SIPA1L1: variants seen among roughly 807,000 people sequenced by gnomAD.
SIPA1L1 encodes the protein signal-induced proliferation-associated 1-like protein 1.
A neutral mutation model predicts 162.7 loss-of-function variants in SIPA1L1; 26 were observed. The ratio of observed to expected loss-of-function variants is 0.16; its 90% confidence interval spans 0.12 to 0.22. SIPA1L1 has a LOEUF of 0.22. Among genes scored for constraint, SIPA1L1 ranks in the 10% least tolerant of loss-of-function variants. The pLI, the probability that SIPA1L1 is intolerant of heterozygous loss-of-function variation, is 1.00. For missense variants in SIPA1L1, 1,874 were observed against 2,241.0 expected (o/e 0.84, Z 3.31); for synonymous variants, 829 against 837.4 (o/e 0.99, Z 0.17).
At chr14:71,522,329 T>C (rs1031513395) in intron 3 of SIPA1L1, among the ~76,000 whole-genome samples, 1 of 152,220 alleles carries the variant, frequency 6.6e-6, no homozygotes, top group Admixed American at 6.5e-5. Context: ...TCTTGTTTGC[T>C]GGCCTTTCTG....
intron 15 of SIPA1L1, among the ~76,000 whole-genome samples, chr14:71,704,344 T>G (rs984438580): frequency 6.6e-6 from 1 of 152,302 alleles, no homozygotes; most frequent in Admixed American, 6.5e-5. Flanking sequence ...TCTAATGACT[T>G]GCACTGATTG....
chr14:71,515,921 C>T (rs1436454383), intron 3 of SIPA1L1, among the ~76,000 whole-genome samples: 1 of 152,142 alleles, frequency 6.6e-6, no homozygotes, highest in South Asian at 2.1e-4. Context: ...GGATTACAGG[C>T]GTGAGCCACC....
chr14:71,664,501 C>T (rs555816616), intron 10 of SIPA1L1, among the ~76,000 whole-genome samples: 176 of 152,214 alleles, frequency 1.2e-3, no homozygotes, highest in African/African-American at 4.0e-3. Flanking sequence ...GCATAATAAT[C>T]ACACCAGGGT....
chr14:71,415,224 A>G (rs759671277), intron 2 of SIPA1L1, among the ~76,000 whole-genome samples: 5 of 152,134 alleles, frequency 3.3e-5, no homozygotes, highest in South Asian at 2.1e-4. Flanking sequence ...GTGGCTTGCT[A>G]TTTGTGACCT....
chr14:71,652,989 G>A (rs1199176624), intron 8 of SIPA1L1, among the ~76,000 whole-genome samples: 1 of 151,696 alleles, frequency 6.6e-6, no homozygotes, highest in Admixed American at 6.6e-5. Flanking sequence ...TCACATGTCT[G>A]GTTGTTTTTG....
rs766237769 is a variant in SIPA1L1, at chr14:71,735,273, C to G, written c.5009-4C>G. 6.2e-7 allele frequency: 1 copy of G among 1,603,286 alleles called. No individual in the cohort carries two copies. The highest frequency in any genetic ancestry group is 8.5e-7 in the Non-Finnish European group (1 of 1,170,126). ...TACTAAATGGTTTCTTCTCTCCTTT[C>G]CAGTCCAGAGAGCCTCATTTTTTGC... On this transcript the variant is annotated splice_region_variant and splice_polypyrimidine_tract_variant and intron_variant, in intron 21 of 23. Transcript: ENST00000381232.
In SIPA1L1 at chr14:71,391,103, CTTTTTTTT is replaced by C. The variant is rs36003254; in HGVS notation, c.-465+69936_-465+69943del. The stretch of plus-strand genomic sequence containing the variant: ...TTAGTTTTGTGCCTGTATTCAGTAT[CTTTTTTTT>C]TTTTTTTTTTTTTGAGACAGACTCT... On this transcript the variant is annotated intron_variant, in intron 2 of 23. Coordinates refer to ENST00000381232, the MANE Select transcript of SIPA1L1 (RefSeq NM_001386936.1). Among the ~76,000 whole-genome samples, 739 of 108,456 alleles carry C rather than the reference CTTTTTTTT, an allele frequency of 6.8e-3. 6 individuals are homozygous for C. The highest frequency in any genetic ancestry group is 0.024 in the African/African-American group (697 of 29,442). 71.2% of individuals were successfully genotyped at this position (108,456 alleles called of 152,430 possible). A position where few individuals can be genotyped will look rare whatever the true frequency, so the allele number is the denominator to read the frequency against.
At chr14:71,712,663 A>G (rs1275115543) in intron 17 of SIPA1L1, among the ~76,000 whole-genome samples, 1 of 152,230 alleles carries the variant, frequency 6.6e-6, no homozygotes, top group African/African-American at 2.4e-5. Flanking sequence ...TTGTGTGGCA[A>G]TCAAGGACCT....
intron 4 of SIPA1L1, among the ~76,000 whole-genome samples, chr14:71,561,987 C>T (rs1364286710): frequency 2.0e-5 from 3 of 152,074 alleles, no homozygotes; most frequent in Non-Finnish European, 4.4e-5. Flanking sequence ...TATATTTTTT[C>T]ACGTTGTAAA....
rs540236206 is a variant in SIPA1L1 at position 71,377,898 on chromosome 14, G to A, written c.-465+56717G>A. Reference sequence around the variant, plus strand: ...GGCTGAGGCAGGAGAATCAGGCAGGGAGGTTGCAGTGAGCCGAGATCGCAG... The same window carrying A: ...GGCTGAGGCAGGAGAATCAGGCAGGAAGGTTGCAGTGAGCCGAGATCGCAG... On this transcript the variant is annotated intron_variant, in intron 2 of 23. Coordinates refer to ENST00000381232, the MANE Select transcript of SIPA1L1 (RefSeq NM_001386936.1). The surrounding 1 kb of genome is among the most constrained non-coding windows in gnomAD (Gnocchi z 4.8). Among the ~76,000 whole-genome samples the A allele has an allele frequency of 6.0e-4, 92 of 152,324 alleles. No individual in the cohort carries two copies. Among genetic ancestry groups the A allele is most frequent in the African/African-American group, 2.2e-3 (91 of 41,578 alleles).
chr14:71,708,802 TAA>T (rs1881166039), intron 16 of SIPA1L1, among the ~76,000 whole-genome samples: 1 of 152,230 alleles, frequency 6.6e-6, no homozygotes, highest in Admixed American at 6.5e-5. Flanking sequence ...TCTCTAGACA[TAA>T]GTCTTATATT....
chr14:71,734,588 T>C (rs949645528), intron 21 of SIPA1L1, among the ~76,000 whole-genome samples: 1 of 152,188 alleles, frequency 6.6e-6, no homozygotes, highest in African/African-American at 2.4e-5. Flanking sequence ...AGTTTTAATT[T>C]TGGGGAGAAA....
intron 17 of SIPA1L1, among the ~76,000 whole-genome samples, chr14:71,719,010 C>T (rs2150138511): frequency 6.6e-6 from 1 of 152,024 alleles, no homozygotes; most frequent in Admixed American, 6.5e-5. Flanking sequence ...GTGAACTTGG[C>T]TCACTGCAGC....
intron 22 of SIPA1L1, among the ~76,000 whole-genome samples, chr14:71,737,810 C>G (rs151160970): frequency 6.6e-6 from 1 of 152,096 alleles, no homozygotes; most frequent in East Asian, 1.9e-4. Context: ...ACCTGCCTAT[C>G]ACATCAGCTC....
At chr14:71,370,503 A>G (rs2038783388) in intron 2 of SIPA1L1, among the ~76,000 whole-genome samples, 1 of 152,084 alleles carries the variant, frequency 6.6e-6, no homozygotes, top group South Asian at 2.1e-4. Flanking sequence ...AGGTGTGTGC[A>G]TTGCTTAAGT....
chr14:71,677,132 G>C (rs570914670), intron 12 of SIPA1L1, among the ~76,000 whole-genome samples: 249 of 152,284 alleles, frequency 1.6e-3, no homozygotes, highest in Non-Finnish European at 2.5e-3. Context: ...CTCTCCAGCA[G>C]CTGTTGTTTC....
intron 4 of SIPA1L1, among the ~76,000 whole-genome samples, chr14:71,539,541 T>G (rs757660524): frequency 1.3e-4 from 20 of 152,210 alleles, no homozygotes; most frequent in Admixed American, 3.3e-4. Flanking sequence ...GGCAGTAAAT[T>G]TCTTTTGGCA....
chr14:71,638,158 T>C (rs2041351885), intron 7 of SIPA1L1, among the ~76,000 whole-genome samples: 1 of 152,184 alleles, frequency 6.6e-6, no homozygotes, highest in African/African-American at 2.4e-5. Context: ...TTCTGCACAA[T>C]TGCTTCCAGA....
At chr14:71,470,453 C>T (rs2142180200) in intron 2 of SIPA1L1, among the ~76,000 whole-genome samples, 1 of 152,238 alleles carries the variant, frequency 6.6e-6, no homozygotes, top group Middle Eastern at 3.4e-3. Flanking sequence ...TGCAAGAAGC[C>T]ACCTGCAGAA....
Sources: gnomAD v4.1 joint callset for allele counts (sites outside exome capture counted in the v4.1 genomes callset) on GRCh38, gnomAD v4.1.1 for gene constraint, Gnocchi (gnomAD v3.1) non-coding constraint, MANE v1.5 for transcripts, NCBI Gene and HGNC (gene_info 2026-07-23, HGNC 2026-07-21) for gene names.